The following DNAH10 variants were observed in gnomAD, a reference collection of about 807,000 sequenced individuals.
The protein encoded by DNAH10 is axonemal beta dynein heavy chain 10.
DNAH10 carries 348 observed loss-of-function variants against 506.6 expected under a neutral mutation model. That is an observed-to-expected ratio of 0.69 (90% confidence interval 0.63 to 0.75). The LOEUF is 0.75. Among genes scored for constraint, DNAH10 ranks in the 30% least tolerant of loss-of-function variants. The pLI, the probability that DNAH10 is intolerant of heterozygous loss-of-function variation, is 0.00. For synonymous variants in DNAH10, 2,059 were observed against 2,198.6 expected (o/e 0.94, Z 1.78); for missense variants, 5,179 against 5,787.1 (o/e 0.89, Z 3.41).
intron 21 of DNAH10, among the ~76,000 whole-genome samples, chr12:123,815,611 C>T (rs989821373): frequency 6.6e-6 from 1 of 152,094 alleles, no homozygotes; most frequent in Non-Finnish European, 1.5e-5. Flanking sequence ...AAGCTTTTGG[C>T]ACTGTATCAT....
intron 54 of DNAH10, 46 bp downstream of exon 54, chr12:123,894,769 C>T (rs1170709935): frequency 2.0e-6 from 3 of 1,527,408 alleles, no homozygotes; most frequent in East Asian, 4.5e-5. Context: ...TAAAACAAAG[C>T]AATTTATTTT....
rs199649662 is a variant in DNAH10, at chr12:123,857,131, G to A, written c.6514G>A (p.Gly2172Ser). 158 of 1,612,716 alleles carry A rather than the reference G, an allele frequency of 9.8e-5. No homozygotes were observed. Among genetic ancestry groups the A allele is most frequent in the Non-Finnish European group, 1.2e-4 (138 of 1,179,394 alleles). Residue 2172 changes from glycine (G) to serine (S), a missense_variant, in exon 37 of 79, where the codon GGT (glycine) becomes AGT (serine). Around this residue, in one of 3 missense-constraint regions of DNAH10, gnomAD observed 4,844 missense variants for 5,430.5 expected, o/e 0.89. Transcript: ENST00000673944. ...FVFEDVPLFL[G>S]LISDLFPGLD... ...GTTTGAAGATGTTCCTCTTTTCCTT[G>A]GTTTGATTTCGGATCTGTTTCCTGG...
chr12:123,812,563 ATG>A (rs1371594433), intron 19 of DNAH10, among the ~76,000 whole-genome samples: 4 of 152,232 alleles, frequency 2.6e-5, no homozygotes, highest in Admixed American at 1.3e-4. Flanking sequence ...ATTTGCCTGA[ATG>A]TGTGTTTTTT....
intron 38 of DNAH10, among the ~76,000 whole-genome samples, chr12:123,859,471 G>A (rs77286805): frequency 1.2e-3 from 190 of 152,274 alleles, no homozygotes; most frequent in African/African-American, 4.4e-3. Flanking sequence ...ATAGCAACCC[G>A]CTTGTGCATC....
chr12:123,788,595 G>A (rs909967601), intron 10 of DNAH10, among the ~76,000 whole-genome samples: 2 of 152,168 alleles, frequency 1.3e-5, no homozygotes, highest in Non-Finnish European at 2.9e-5. Flanking sequence ...GGGAGGTGAT[G>A]CCCTGTGCTC....
rs188193453 is a variant in DNAH10, at chr12:123,783,042, G to A, written c.842-65G>A. On this transcript the variant is annotated intron_variant, in intron 6 of 78. Coordinates refer to ENST00000673944, the MANE Select transcript of DNAH10 (RefSeq NM_001372106.1). ...GAGAGACGACCCAGCCGGTGAACTT[G>A]AATGTTTCTCTTTGTAATCATTTTT... 1.4e-4 allele frequency: 211 copies of A among 1,544,962 alleles called. No individual in the cohort carries two copies. The African/African-American group carries it at 2.5e-3, about 19-fold the overall frequency.
intron 25 of DNAH10, among the ~76,000 whole-genome samples, chr12:123,829,314 GTGTT>G (rs1161184220): frequency 2.6e-5 from 4 of 152,092 alleles, no homozygotes; most frequent in Non-Finnish European, 5.9e-5. Flanking sequence ...TGAGGGTAGA[GTGTT>G]TGGCCTTCCA....
At chr12:123,772,745 G>A in intron 3 of DNAH10, 89 bp from the exon 4 acceptor site, 1 of 959,184 alleles carries the variant, frequency 1.0e-6, no homozygotes, top group Non-Finnish European at 1.6e-6. Flanking sequence ...ATTGTGTTGA[G>A]AGGAGAGCTT....
chr12:123,782,128 T>A (rs574064266), intron 6 of DNAH10, among the ~76,000 whole-genome samples: 1 of 152,082 alleles, frequency 6.6e-6, no homozygotes, highest in Non-Finnish European at 1.5e-5. Flanking sequence ...TTTCCTGGAG[T>A]GTTCTTCAAC....
rs368073613 is a variant in DNAH10, at chr12:123,929,988, G to T, written c.12612+229G>T. 2.0e-3 allele frequency: 1,181 copies of T among 600,078 alleles called. 4 individuals carry two copies. Among genetic ancestry groups the T allele is most frequent in the Middle Eastern group, 8.9e-3 (20 of 2,248 alleles). The allele number at this position is 600,078 out of a possible 1,614,324, so 37.2% of individuals were successfully genotyped here. A position where few individuals can be genotyped will look rare whatever the true frequency, so the allele number is the denominator to read the frequency against. Reference sequence around the variant, plus strand: ...ATCCATGGCTGGGGATCCAGGCAAGGCATCCTCTAGCCCCTTGCCTCAGCT... The same window carrying T: ...ATCCATGGCTGGGGATCCAGGCAAGTCATCCTCTAGCCCCTTGCCTCAGCT... On this transcript the variant is annotated intron_variant, in intron 72 of 78. Coordinates refer to ENST00000673944, the MANE Select transcript of DNAH10 (RefSeq NM_001372106.1).
chr12:123,897,940 C>G lies in DNAH10; in HGVS notation c.9451C>G (p.Leu3151Val). ...LDFINTYSKL[L>V]DEKTQCNIAQ... ...TTTTATTAACACCTATTCAAAATTG[C>G]TGGATGAGAAAACTCAGTGTAATAT... is the stretch of plus-strand genomic sequence containing the variant. The change falls in exon 55 of 79, where the codon CTG becomes GTG. Residue 3151 changes from leucine (L) to valine (V), a missense_variant. Physicochemically the swap from Leu to Val is conservative, Grantham distance 32. This residue lies in a region of DNAH10 where 4,844 missense variants were observed against 5,430.5 expected (regional missense o/e 0.89). Coordinates refer to ENST00000673944, the MANE Select transcript of DNAH10 (RefSeq NM_001372106.1). 6.3e-7 allele frequency: 1 copy of G among 1,596,506 alleles called. No individual in the cohort carries two copies. The highest frequency in any genetic ancestry group is 1.2e-5 in the South Asian group (1 of 86,664).
rs1364740502 is a variant in DNAH10, at chr12:123,789,948, A to G, written c.1642A>G (p.Ile548Val). The G allele has an allele frequency of 5.0e-6, 8 of 1,612,482 alleles. No homozygotes were observed. In the South Asian group the frequency reaches 5.5e-5, roughly 11 times the overall value. Residue 548 changes from isoleucine to valine, a missense_variant, in exon 11 of 79, where the codon ATA becomes GTA. Around this residue, in one of 3 missense-constraint regions of DNAH10, gnomAD observed 4,844 missense variants for 5,430.5 expected, o/e 0.89. Coordinates refer to ENST00000673944, the MANE Select transcript of DNAH10 (RefSeq NM_001372106.1). ...ACAGATTTTGGAGGAATTTTATAACATATTTGGTCCAGAACTAAAGGCAGT... is the reference window on the plus strand; with the variant it reads ...ACAGATTTTGGAGGAATTTTATAACGTATTTGGTCCAGAACTAAAGGCAGT... The part of the protein sequence containing the change: ...VLQILEEFYN[I>V]FGPELKAVTG...
Position 123,838,656 on chromosome 12 carries a change from C to T in DNAH10, c.5103C>T (p.Ser1701=), listed in dbSNP as rs201206911. The T allele has an allele frequency of 1.1e-4, 172 of 1,613,904 alleles. 2 individuals are homozygous for T. The South Asian group carries it at 1.1e-3, about 10-fold the overall frequency. The change falls in exon 29 of 79, where the codon AGC becomes AGT. Residue 1701 remains serine (S), a synonymous_variant. Coordinates refer to ENST00000673944, the MANE Select transcript of DNAH10 (RefSeq NM_001372106.1). ...AGTTGCTTAGCATTCTGGGGAGCAG[C>T]GACCCACTCTGCGTCCAGGAGCACA... ...DDELLSILGS[S]DPLCVQEHMI...
At chr12:123,935,005 T>C in intron 78 of DNAH10, 4 of 628,166 alleles carry the variant, frequency 6.4e-6, no homozygotes, top group Non-Finnish European at 1.1e-5. Context: ...GCTGTGATCC[T>C]GTGGTCTAGA....
At position 123,808,804 on chromosome 12, in the gene DNAH10, C is replaced by T. The variant is rs199857559; in HGVS notation, c.2995C>T (p.Gln999Ter). 1 of 1,613,944 alleles carries T rather than the reference C, an allele frequency of 6.2e-7. No individual in the cohort carries two copies. The highest frequency in any genetic ancestry group is 8.5e-7 in the Non-Finnish European group (1 of 1,179,992). Residue 999 changes from glutamine to a stop codon, truncating the protein, a stop_gained, in exon 19 of 79, where the codon CAG (glutamine) becomes TAG (stop). Transcript: ENST00000673944. LOFTEE classifies it high-confidence loss of function. ...VLTKLILKNLQSFNSLILGNV... is the reference protein window; with the variant it reads ...VLTKLILKNL ...CTCATCAACCCCTCTTAGGAACTTG[C>T]AGTCTTTTAATTCTTTGATCCTTGG...
chr12:123,877,956 T>C, intron 48 of DNAH10, 48 bp downstream of exon 48: 1 of 1,578,436 alleles, frequency 6.3e-7, no homozygotes, highest in Non-Finnish European at 8.6e-7. Context: ...GTATGATAGT[T>C]TTCTTATTCT....
At chr12:123,805,553 A>G (rs1211500046) in intron 18 of DNAH10, among the ~76,000 whole-genome samples, 1 of 152,182 alleles carries the variant, frequency 6.6e-6, no homozygotes, top group African/African-American at 2.4e-5. Flanking sequence ...CCTGGACCCC[A>G]TCGCATTGGT....
At chr12:123,922,630 G>C (rs923945423) in intron 65 of DNAH10, among the ~76,000 whole-genome samples, 2 of 152,194 alleles carry the variant, frequency 1.3e-5, no homozygotes, top group African/African-American at 4.8e-5. Flanking sequence ...TTTTCTCATA[G>C]TTTTGGAGGT....
intron 58 of DNAH10, among the ~76,000 whole-genome samples, chr12:123,910,149 C>T (rs921019509): frequency 6.6e-6 from 1 of 152,268 alleles, no homozygotes; most frequent in African/African-American, 2.4e-5. Context: ...CTCCCTCTGT[C>T]TGAATCTTCA....
Sources: allele counts gnomAD v4.1 joint callset (sites outside exome capture counted in the v4.1 genomes callset), GRCh38; gene constraint gnomAD v4.1.1; regional missense constraint gnomAD v4.1.1; transcripts MANE v1.5; gene names NCBI Gene and HGNC (gene_info 2026-07-23, HGNC 2026-07-21).